Variants in SIK2 observed in about 807,000 individuals in gnomAD.
SIK2 encodes serine/threonine-protein kinase SIK2.
SIK2 carries 29 observed loss-of-function variants against 103.2 expected under a neutral mutation model. The observed-to-expected ratio is 0.28, with a 90% CI of 0.21 to 0.38. SIK2 has a LOEUF of 0.38. Among genes scored for constraint, SIK2 ranks in the 10% least tolerant of loss-of-function variants. The probability of loss-of-function intolerance (pLI) is 1.00; values close to 1 mark genes in which losing one functional copy is unlikely to be tolerated. For missense variants in SIK2, 879 were observed against 1,171.0 expected (o/e 0.75, Z 3.64); for synonymous variants, 412 against 446.1 (o/e 0.92, Z 0.96).
intron 1 of SIK2, among the ~76,000 whole-genome samples, chr11:111,612,799 G>A (rs1941744201): frequency 1.3e-5 from 2 of 151,852 alleles, no homozygotes; most frequent in African/African-American, 4.8e-5. Context: ...GGGTGTATTT[G>A]GTAAAGCAGT....
chr11:111,612,094 A>G (rs906782647), intron 1 of SIK2, among the ~76,000 whole-genome samples: 6 of 152,176 alleles, frequency 3.9e-5, no homozygotes, highest in Non-Finnish European at 7.3e-5. Context: ...CTGGCACACA[A>G]CAGATGCTGT....
At chr11:111,709,765 A>G (rs1233503242) in intron 8 of SIK2, among the ~76,000 whole-genome samples, 1 of 152,222 alleles carries the variant, frequency 6.6e-6, no homozygotes, top group Non-Finnish European at 1.5e-5. Flanking sequence ...TTTCCTAGGA[A>G]GTGATTGTCA....
At chr11:111,710,331 G>C (rs1943462459) in intron 8 of SIK2, among the ~76,000 whole-genome samples, 1 of 152,134 alleles carries the variant, frequency 6.6e-6, no homozygotes, top group African/African-American at 2.4e-5. Flanking sequence ...GTATGCAGTT[G>C]TTTACTTGTT....
chr11:111,660,371 A>C (rs1402195344), intron 3 of SIK2, among the ~76,000 whole-genome samples: 1 of 152,182 alleles, frequency 6.6e-6, no homozygotes, highest in Non-Finnish European at 1.5e-5. Flanking sequence ...AATGAAAATT[A>C]CTGTGAGAAT....
In SIK2 at chr11:111,723,957, A is replaced by G; in HGVS notation, c.2609A>G (p.Asp870Gly). Residue 870 changes from aspartate (D) to glycine (G), a missense_variant, in exon 15 of 15, where the codon GAT becomes GGT. Physicochemically the swap from Asp to Gly is moderately conservative, Grantham distance 94. This residue lies in a region of SIK2 where 375 missense variants were observed against 416.3 expected (regional missense o/e 0.90). Transcript: ENST00000304987. ...CCCACTCCCTGTCAGTATCCTGTGG[A>G]TGGAGCCCAGCAGAGCGACCTAACG... ...DYPTPCQYPV[D>G]GAQQSDLTGP... The G allele has an allele frequency of 6.2e-7, 1 of 1,614,042 alleles. No individual in the cohort carries two copies. The highest frequency in any genetic ancestry group is 8.5e-7 in the Non-Finnish European group (1 of 1,180,010).
chr11:111,721,146 G>A (rs1943788782), intron 12 of SIK2, 84 bp downstream of exon 12: 1 of 1,475,172 alleles, frequency 6.8e-7, no homozygotes, highest in South Asian at 1.4e-5. Flanking sequence ...TCACTTAGAG[G>A]ATTTCCTCCA....
At chr11:111,677,013 A>T (rs1942711769) in intron 3 of SIK2, among the ~76,000 whole-genome samples, 1 of 152,232 alleles carries the variant, frequency 6.6e-6, no homozygotes, top group Non-Finnish European at 1.5e-5. Flanking sequence ...TTGTCAGTCC[A>T]GTCATAGTCA....
Position 111,720,618 on chromosome 11 carries a change from C to A in SIK2, c.1636C>A (p.Pro546Thr). The A allele has an allele frequency of 1.2e-6, 2 of 1,614,100 alleles. No individual in the cohort carries two copies. The highest frequency in any genetic ancestry group is 1.7e-6 in the Non-Finnish European group (2 of 1,180,018). ...CATCATGTTAGCCAATCAGCCTTCA[C>A]CCCGCATGACATCTCCCTTCATAAG... ...KDIMLANQPSPRMTSPFISLR... is the reference protein window; with the variant it reads ...KDIMLANQPSTRMTSPFISLR... The change falls in exon 11 of 15, where the codon CCC (proline) becomes ACC (threonine). Residue 546 changes from proline to threonine, a missense_variant. By Grantham distance (38) the Pro-to-Thr change is conservative. This residue lies in a region of SIK2 where 222 missense variants were observed against 258.0 expected (regional missense o/e 0.86). Transcript: ENST00000304987.
intron 3 of SIK2, among the ~76,000 whole-genome samples, chr11:111,666,653 G>C (rs1269581800): frequency 6.6e-6 from 1 of 151,956 alleles, no homozygotes; most frequent in Non-Finnish European, 1.5e-5. Context: ...TCAGTTTTAG[G>C]AAAAATGATG....
intron 3 of SIK2, among the ~76,000 whole-genome samples, chr11:111,645,618 C>T (rs1004427862): frequency 2.3e-4 from 35 of 151,672 alleles, no homozygotes; most frequent in African/African-American, 8.5e-4. Context: ...GTTGGGAGTT[C>T]GAGACCAGCC....
rs577149733 is a variant in SIK2, at chr11:111,703,057, C to T, written c.728-146C>T. Reference sequence around the variant, plus strand: ...GAACTTGAGAAATATAAGTAGCCTGCATGTGTTCATTTATTCATTTGACCT... The same window carrying T: ...GAACTTGAGAAATATAAGTAGCCTGTATGTGTTCATTTATTCATTTGACCT... On this transcript the variant is annotated intron_variant, in intron 6 of 14. Coordinates refer to ENST00000304987, the MANE Select transcript of SIK2 (RefSeq NM_015191.3). 52 of 652,854 alleles carry T rather than the reference C, an allele frequency of 8.0e-5. 2 individuals carry two copies. The South Asian group carries it at 9.7e-4, about 12-fold the overall frequency. The allele number at this position is 652,854 out of a possible 1,614,324, so 40.4% of individuals were successfully genotyped here.
intron 1 of SIK2, among the ~76,000 whole-genome samples, chr11:111,614,703 A>G (rs1165389132): frequency 6.6e-6 from 1 of 152,204 alleles, no homozygotes; most frequent in Non-Finnish European, 1.5e-5. Flanking sequence ...CCACACAGTT[A>G]AATCCCATGT....
intron 3 of SIK2, among the ~76,000 whole-genome samples, chr11:111,655,586 G>A (rs1942381305): frequency 6.6e-6 from 1 of 152,134 alleles, no homozygotes; most frequent in African/African-American, 2.4e-5. Flanking sequence ...TTTATACAGA[G>A]GCTTTGACAA....
In SIK2 at chr11:111,726,703, T is replaced by C. The variant is rs1457252796; in HGVS notation, c.*2574T>C. ...AAGCTTCCAAGCAGTTTTCTCTTCA[T>C]CACTACTAACAAACAAAACACTAAG... On this transcript the variant is annotated 3_prime_UTR_variant, in exon 15 of 15. Coordinates refer to ENST00000304987, the MANE Select transcript of SIK2 (RefSeq NM_015191.3). 8.3e-6 allele frequency: 4 copies of C among 483,186 alleles called. No individual in the cohort carries two copies. Among genetic ancestry groups the C allele is most frequent in the Non-Finnish European group, 1.1e-5 (3 of 267,094 alleles). 29.9% of individuals were successfully genotyped at this position (483,186 alleles called of 1,614,324 possible).
At chr11:111,720,857 T>C (rs1291878910) in intron 11 of SIK2, 42 bp from the exon 12 acceptor site, 3 of 1,602,370 alleles carry the variant, frequency 1.9e-6, no homozygotes, top group Non-Finnish European at 2.6e-6. Flanking sequence ...TGAAAGGCCT[T>C]GTATTTTAGT....
In SIK2 at chr11:111,660,313, A is replaced by C. The variant is rs192536992; in HGVS notation, c.317-27688A>C. ...AATGGCAGTCTACTGATGGGGTCCC[A>C]GAAAAGCCCTTAGGTCCATATGCAC... On this transcript the variant is annotated intron_variant, in intron 3 of 14. Coordinates refer to ENST00000304987, the MANE Select transcript of SIK2 (RefSeq NM_015191.3). Among the ~76,000 whole-genome samples the C allele has an allele frequency of 1.5e-3, 230 of 152,342 alleles. 2 individuals are homozygous for C. Among genetic ancestry groups the C allele is most frequent in the African/African-American group, 5.3e-3 (220 of 41,578 alleles).
chr11:111,726,622 T>A lies in SIK2; in HGVS notation c.*2493T>A, dbSNP rs902918781. On this transcript the variant is annotated 3_prime_UTR_variant, in exon 15 of 15. Coordinates refer to ENST00000304987, the MANE Select transcript of SIK2 (RefSeq NM_015191.3). The stretch of plus-strand genomic sequence containing the variant: ...CTGGTTCTGTTGGTCAGTCAGGTGT[T>A]TGCTCAGCCCTGTCTGATCACCTGT... The A allele has an allele frequency of 3.8e-6, 1 of 259,928 alleles. No homozygotes were observed. The highest frequency in any genetic ancestry group is 2.2e-5 in the African/African-American group (1 of 46,168). The allele number at this position is 259,928 out of a possible 1,614,324, so 16.1% of individuals were successfully genotyped here. A position where few individuals can be genotyped will look rare whatever the true frequency, so the allele number is the denominator to read the frequency against.
intron 4 of SIK2, among the ~76,000 whole-genome samples, chr11:111,693,361 TG>T: frequency 6.6e-6 from 1 of 150,926 alleles, no homozygotes; most frequent in East Asian, 2.0e-4. Flanking sequence ...GAGACACTAA[TG>T]AGCCATGGAT....
chr11:111,695,919 A>T (rs1591623013), intron 4 of SIK2, among the ~76,000 whole-genome samples: 1 of 152,214 alleles, frequency 6.6e-6, no homozygotes, highest in East Asian at 1.9e-4. Context: ...GATGACAGTG[A>T]TAATGGTTTT....
Sources: allele counts gnomAD v4.1 joint callset (sites outside exome capture counted in the v4.1 genomes callset), GRCh38; gene constraint gnomAD v4.1.1; regional missense constraint gnomAD v4.1.1; transcripts MANE v1.5; gene names NCBI Gene and HGNC (gene_info 2026-07-23, HGNC 2026-07-21).